The following SYNCRIP variants were observed in gnomAD, a reference collection of about 807,000 sequenced individuals.
SYNCRIP encodes synaptotagmin binding cytoplasmic RNA interacting protein.
A neutral mutation model predicts 68.9 loss-of-function variants in SYNCRIP; 9 were observed. That is an observed-to-expected ratio of 0.13 (90% CI 0.08 to 0.23). The LOEUF (loss-of-function observed/expected upper bound fraction) is 0.23. SYNCRIP is among the 10% of genes least tolerant of loss of function. SYNCRIP has a pLI of 1.00. For synonymous variants in SYNCRIP, 258 were observed against 254.0 expected, an observed-to-expected ratio of 1.02 and a Z score of -0.15; for missense variants, 414 against 770.6, an observed-to-expected ratio of 0.54 and a Z score of 5.48.
chr6:85,632,353 C>T (rs1331362653), intron 6 of SYNCRIP, among the ~76,000 whole-genome samples: 1 of 152,136 alleles, frequency 6.6e-6, no homozygotes, highest in Non-Finnish European at 1.5e-5. Context: ...TTATATATAA[C>T]TAGAATGACA....
At position 85,614,687 on chromosome 6, in the gene SYNCRIP, C is replaced by A; in HGVS notation, c.*69G>T. 2 of 1,477,180 alleles carry A rather than the reference C, an allele frequency of 1.4e-6. No homozygotes were observed. Among genetic ancestry groups the A allele is most frequent in the Non-Finnish European group, 9.0e-7 (1 of 1,114,196 alleles). The allele number at this position is 1,477,180 out of a possible 1,614,324, so 91.5% of individuals were successfully genotyped here. A position where few individuals can be genotyped will look rare whatever the true frequency, so the allele number is the denominator to read the frequency against. Reference sequence around the variant, plus strand: ...CCAGATGTCACAAATTATAGCGGCACCCGTTCAGATTTAGGGTGAGTTTCT... The same window carrying A: ...CCAGATGTCACAAATTATAGCGGCAACCGTTCAGATTTAGGGTGAGTTTCT... On this transcript the variant is annotated 3_prime_UTR_variant, in exon 11 of 11. Transcript: ENST00000369622.
At chr6:85,642,043 CCTA>C (rs1241385605) in intron 1 of SYNCRIP, among the ~76,000 whole-genome samples, 1 of 152,176 alleles carries the variant, frequency 6.6e-6, no homozygotes, top group Non-Finnish European at 1.5e-5. Flanking sequence ...CTTCCAATGT[CCTA>C]CAACTTCCTT....
downstream of SYNCRIP, among the ~76,000 whole-genome samples, chr6:85,613,190 T>TAA (rs1195488649): frequency 2.1e-5 from 3 of 141,690 alleles, no homozygotes; most frequent in South Asian, 2.2e-4. Flanking sequence ...TGATTTTATT[T>TAA]AAAAAAAAAA....
intron 10 of SYNCRIP, among the ~76,000 whole-genome samples, chr6:85,617,781 C>A (rs1394441883): frequency 4.6e-5 from 7 of 152,200 alleles, no homozygotes; most frequent in South Asian, 2.1e-4. Flanking sequence ...CCAAACAGGG[C>A]AATCAACAGA....
exon 12 of SYNCRIP, chr6:85,608,965 A>C (rs1407450490): frequency 6.6e-6 from 1 of 152,020 alleles, no homozygotes; most frequent in African/African-American, 2.4e-5. Flanking sequence ...TTAGCATCTT[A>C]AGAAAAGTAG....
intron 6 of SYNCRIP, among the ~76,000 whole-genome samples, chr6:85,634,140 A>T (rs180790207): frequency 6.6e-6 from 1 of 152,224 alleles, no homozygotes; most frequent in South Asian, 2.1e-4. Context: ...ATAAGACTAT[A>T]TTCTAAGCAA....
chr6:85,626,509 TTAACTA>T (rs1241702998), intron 6 of SYNCRIP, among the ~76,000 whole-genome samples: 2 of 152,140 alleles, frequency 1.3e-5, no homozygotes, highest in South Asian at 2.1e-4. Flanking sequence ...TCAGGAGCTA[TTAACTA>T]TAAGAAAATA....
intron 4 of SYNCRIP, among the ~76,000 whole-genome samples, chr6:85,639,641 G>A (rs1419336694): frequency 1.3e-5 from 2 of 151,998 alleles, no homozygotes; most frequent in Admixed American, 6.6e-5. Flanking sequence ...CTATAAATTA[G>A]AAAACTCACC....
At chr6:85,625,700 T>C (rs1806955107) in intron 6 of SYNCRIP, among the ~76,000 whole-genome samples, 1 of 152,122 alleles carries the variant, frequency 6.6e-6, no homozygotes. Context: ...GCAATTTTTA[T>C]ACTCCTATGG....
At chr6:85,609,752 T>C (rs1252273603), downstream of SYNCRIP, 1 of 152,006 alleles carries the variant, frequency 6.6e-6, no homozygotes, top group Non-Finnish European at 1.5e-5. Context: ...GCGTCTGTTT[T>C]GGTTAGATAA....
intron 6 of SYNCRIP, among the ~76,000 whole-genome samples, chr6:85,626,161 T>C (rs746742201): frequency 2.6e-5 from 4 of 152,274 alleles, no homozygotes; most frequent in Non-Finnish European, 4.4e-5. Context: ...AGCAGAGCTA[T>C]GGCTGAATCC....
At chr6:85,633,762 G>T (rs2128297323) in intron 6 of SYNCRIP, among the ~76,000 whole-genome samples, 1 of 151,934 alleles carries the variant, frequency 6.6e-6, no homozygotes, top group Admixed American at 6.6e-5. Flanking sequence ...ACAGGTCATT[G>T]CAGCCTTGAC....
Position 85,614,690 on chromosome 6 carries a change from G to A in SYNCRIP, c.*66C>T, listed in dbSNP as rs775011937. 1.3e-4 allele frequency: 191 copies of A among 1,480,200 alleles called. No individual in the cohort carries two copies. The Middle Eastern group carries it at 3.0e-3, about 24-fold the overall frequency. The allele number at this position is 1,480,200 out of a possible 1,614,324, so 91.7% of individuals were successfully genotyped here. ...GATGTCACAAATTATAGCGGCACCC[G>A]TTCAGATTTAGGGTGAGTTTCTGAT... is the stretch of plus-strand genomic sequence containing the variant. On this transcript the variant is annotated 3_prime_UTR_variant, in exon 11 of 11. Coordinates refer to ENST00000369622, the MANE Select transcript of SYNCRIP (RefSeq NM_006372.5).
At chr6:85,613,923 T>C (rs1445221916), downstream of SYNCRIP, 1 of 963,738 alleles carries the variant, frequency 1.0e-6, no homozygotes, top group Non-Finnish European at 1.2e-6. Flanking sequence ...TTTGTCCTTT[T>C]ATACAGTTCA....
Position 85,620,472 on chromosome 6 carries a change from A to G in SYNCRIP, c.1009-1055T>C, listed in dbSNP as rs1207485073. 3.9e-5 allele frequency among the ~76,000 whole-genome samples: 6 copies of G among 152,354 alleles called. 1 individual carries two copies. The South Asian group carries it at 8.3e-4, about 21-fold the overall frequency. Reference sequence around the variant, plus strand: ...AACTATGTAACATTCTGAGAAGGCAAAACTATGGAGACAGTGACTGCCAGT... The same window carrying G: ...AACTATGTAACATTCTGAGAAGGCAGAACTATGGAGACAGTGACTGCCAGT... On this transcript the variant is annotated intron_variant, in intron 8 of 10. Coordinates refer to ENST00000369622, the MANE Select transcript of SYNCRIP (RefSeq NM_006372.5).
chr6:85,629,564 C>G (rs899231450), intron 6 of SYNCRIP, among the ~76,000 whole-genome samples: 2 of 149,500 alleles, frequency 1.3e-5, no homozygotes, highest in African/African-American at 4.9e-5. Context: ...TGGCTCATGC[C>G]TGTAATCCCA....
chr6:85,637,223 C>G lies in SYNCRIP; in HGVS notation c.489+20G>C. The G allele has an allele frequency of 6.2e-7, 1 of 1,610,008 alleles. No homozygotes were observed. The highest frequency in any genetic ancestry group is 8.5e-7 in the Non-Finnish European group (1 of 1,177,976). On this transcript the variant is annotated intron_variant, in intron 5 of 10. Coordinates refer to ENST00000369622, the MANE Select transcript of SYNCRIP (RefSeq NM_006372.5). Reference sequence around the variant, plus strand: ...ACCTGTGCTTTTACTACAAAAGGTACAAGTTTTTAGTTGCTTTACCTCAGT... The same window carrying G: ...ACCTGTGCTTTTACTACAAAAGGTAGAAGTTTTTAGTTGCTTTACCTCAGT...
intron 8 of SYNCRIP, among the ~76,000 whole-genome samples, chr6:85,620,055 T>C (rs1452667820): frequency 3.9e-5 from 6 of 152,176 alleles, no homozygotes; most frequent in African/African-American, 1.4e-4. Flanking sequence ...GAGACCAGCC[T>C]GGCCAACACA....
intron 7 of SYNCRIP, among the ~76,000 whole-genome samples, chr6:85,623,175 C>CA (rs1375248595): frequency 6.6e-6 from 1 of 152,134 alleles, no homozygotes; most frequent in Admixed American, 6.5e-5. Flanking sequence ...ATTTGTTAGA[C>CA]ACTGTTGGCA....
Sources: gnomAD v4.1 joint callset for allele counts (sites outside exome capture counted in the v4.1 genomes callset) on GRCh38, gnomAD v4.1.1 for gene constraint, MANE v1.5 for transcripts, NCBI Gene and HGNC (gene_info 2026-07-23, HGNC 2026-07-21) for gene names.